IL33: variants seen among roughly 807,000 people sequenced by gnomAD.
The protein encoded by IL33 is interleukin 33, also known as interleukin-33.
A neutral mutation model predicts 27.3 loss-of-function variants in IL33; 37 were observed. That is an observed-to-expected ratio of 1.36 (90% CI 1.04 to 1.78). The LOEUF (loss-of-function observed/expected upper bound fraction) is 1.78, where lower values mean the gene tolerates loss of function less well. Among genes scored for constraint, IL33 ranks in the 40% most tolerant of loss-of-function variants. The probability of loss-of-function intolerance (pLI) is 0.00; values close to 1 mark genes in which losing one functional copy is unlikely to be tolerated. For missense variants in IL33, 406 were observed against 311.4 expected (o/e 1.30, Z -2.29); for synonymous variants, 132 against 102.9 (o/e 1.28, Z -1.71).
chr9:6,215,609 G>A (rs1316550963), upstream of IL33, among the ~76,000 whole-genome samples: 1 of 152,164 alleles, frequency 6.6e-6, no homozygotes, highest in Non-Finnish European at 1.5e-5. Context: ...AATCATAATT[G>A]CTGGTTTAAA....
chr9:6,253,248 G>C (rs1242963508), intron 5 of IL33, among the ~76,000 whole-genome samples: 2 of 152,066 alleles, frequency 1.3e-5, no homozygotes, highest in Admixed American at 1.3e-4. Context: ...TGGAAAGAGG[G>C]GCCACATGTA....
At chr9:6,221,795 T>C (rs1384602287) in intron 1 of IL33, among the ~76,000 whole-genome samples, 1 of 152,224 alleles carries the variant, frequency 6.6e-6, no homozygotes, top group Non-Finnish European at 1.5e-5. Flanking sequence ...TATATTTATT[T>C]CTCTGTGCAT....
In IL33 at chr9:6,257,726, T is replaced by G. The variant is rs1311335932; in HGVS notation, c.*1558T>G. 2.0e-5 allele frequency: 3 copies of G among 152,234 alleles called. No individual in the cohort carries two copies. Among genetic ancestry groups the G allele is most frequent in the African/African-American group, 7.2e-5 (3 of 41,452 alleles). The allele number at this position is 152,234 out of a possible 1,614,324, so 9.4% of individuals were successfully genotyped here. ...GAGACCTATTAGATGTAAGTGCTAG[T>G]AGAATATAAGATAAAAGAGGCTGAG... On this transcript the variant is annotated 3_prime_UTR_variant, in exon 8 of 8. Coordinates refer to ENST00000682010, the MANE Select transcript of IL33 (RefSeq NM_033439.4).
intron 2 of IL33, among the ~76,000 whole-genome samples, chr9:6,243,477 C>A (rs1373299262): frequency 2.0e-5 from 3 of 152,138 alleles, no homozygotes; most frequent in Non-Finnish European, 4.4e-5. Context: ...TCTCAGCCTC[C>A]CAAGTAGCTG....
At chr9:6,242,712 A>C (rs1212593563) in intron 2 of IL33, 2 of 152,244 alleles carry the variant, frequency 1.3e-5, no homozygotes, top group African/African-American at 4.8e-5. Flanking sequence ...AATAATAATA[A>C]AAGCAAGATC....
intron 2 of IL33, among the ~76,000 whole-genome samples, chr9:6,243,999 T>C (rs1033157287): frequency 6.6e-6 from 1 of 152,208 alleles, no homozygotes; most frequent in African/African-American, 2.4e-5. Context: ...GTCAAAATGC[T>C]CTCTGTAGAA....
chr9:6,251,589 A>T (rs1377572534), intron 4 of IL33, among the ~76,000 whole-genome samples: 2 of 152,184 alleles, frequency 1.3e-5, no homozygotes, highest in East Asian at 3.8e-4. Context: ...AAATTTCAAT[A>T]TTTTGACCAT....
chr9:6,241,408 A>G (rs1450750038), intron 1 of IL33, among the ~76,000 whole-genome samples: 1 of 152,234 alleles, frequency 6.6e-6, no homozygotes, highest in Non-Finnish European at 1.5e-5. Flanking sequence ...TATGATGGCT[A>G]CAACAGCACT....
chr9:6,224,664 C>A (rs551794937), intron 1 of IL33, among the ~76,000 whole-genome samples: 1 of 152,292 alleles, frequency 6.6e-6, no homozygotes, highest in African/African-American at 2.4e-5. Context: ...TGCTCTCCTA[C>A]TTTTTGGCAT....
At chr9:6,253,412 C>G in intron 5 of IL33, 140 bp from the exon 6 acceptor site, 1 of 561,734 alleles carries the variant, frequency 1.8e-6, no homozygotes, top group Non-Finnish European at 3.1e-6. Context: ...TTTTTGAGAC[C>G]TTTCTCAAAA....
chr9:6,220,807 G>A (rs1386640057), intron 1 of IL33, among the ~76,000 whole-genome samples: 1 of 152,098 alleles, frequency 6.6e-6, no homozygotes, highest in Non-Finnish European at 1.5e-5. Flanking sequence ...AAGCTGGAGA[G>A]CAGTAGCTCG....
In IL33 at chr9:6,241,003, A is replaced by C. The variant is rs12342812; in HGVS notation, c.-11-681A>C. ...CTTAAAATCTAAGACACAAACACACACACCCTAGTCTAGGCCTACACAGGG... is the reference window on the plus strand; with the variant it reads ...CTTAAAATCTAAGACACAAACACACCCACCCTAGTCTAGGCCTACACAGGG... On this transcript the variant is annotated intron_variant, in intron 1 of 7. Transcript: ENST00000682010. 5.8e-3 allele frequency among the ~76,000 whole-genome samples: 880 copies of C among 152,142 alleles called. 5 individuals are homozygous for C. Among genetic ancestry groups the C allele is most frequent in the African/African-American group, 0.019 (793 of 41,500 alleles).
intron 1 of IL33, among the ~76,000 whole-genome samples, chr9:6,235,097 A>T (rs1819124364): frequency 6.6e-6 from 1 of 152,140 alleles, no homozygotes; most frequent in Non-Finnish European, 1.5e-5. Flanking sequence ...AGACTGGAGT[A>T]TAGTGCTATC....
rs551780260 is a variant in IL33, at chr9:6,255,857, G to T, written c.613-111G>T. The T allele has an allele frequency of 4.9e-5, 41 of 839,246 alleles. No individual in the cohort carries two copies. In the Admixed American group the frequency reaches 7.2e-4, roughly 15 times the overall value. 52.0% of individuals were successfully genotyped at this position (839,246 alleles called of 1,614,324 possible). A position where few individuals can be genotyped will look rare whatever the true frequency, so the allele number is the denominator to read the frequency against. ...CACAACTCACTAAGCAAGCTTGCTAGAAATATCAAGTCATAAATAAGTATT... is the reference window on the plus strand; with the variant it reads ...CACAACTCACTAAGCAAGCTTGCTATAAATATCAAGTCATAAATAAGTATT... On this transcript the variant is annotated intron_variant, in intron 7 of 7. Coordinates refer to ENST00000682010, the MANE Select transcript of IL33 (RefSeq NM_033439.4).
At chr9:6,248,380 C>T (rs1181930855) in intron 2 of IL33, among the ~76,000 whole-genome samples, 2 of 150,830 alleles carry the variant, frequency 1.3e-5, no homozygotes. Context: ...ACTCCACCAT[C>T]ATAAACAGAT....
At chr9:6,232,710 C>T (rs963806375) in intron 1 of IL33, among the ~76,000 whole-genome samples, 3 of 152,164 alleles carry the variant, frequency 2.0e-5, no homozygotes, top group Non-Finnish European at 2.9e-5. Context: ...AATCTCTTTC[C>T]TTTCTGGTCA....
intron 2 of IL33, among the ~76,000 whole-genome samples, chr9:6,244,685 G>C (rs1819723016): frequency 6.6e-6 from 1 of 152,114 alleles, no homozygotes; most frequent in Non-Finnish European, 1.5e-5. Context: ...AACAATCCTG[G>C]TGAAAAATTT....
intron 7 of IL33, among the ~76,000 whole-genome samples, chr9:6,255,308 A>C (rs1316646772): frequency 6.6e-6 from 1 of 152,140 alleles, no homozygotes; most frequent in Non-Finnish European, 1.5e-5. Flanking sequence ...TATTAACATA[A>C]ATAGTGGATA....
chr9:6,222,070 C>A (rs1472798275), intron 1 of IL33, among the ~76,000 whole-genome samples: 1 of 152,116 alleles, frequency 6.6e-6, no homozygotes, highest in Non-Finnish European at 1.5e-5. Context: ...AGCTTCCAGA[C>A]CTTTGAGTTG....
Sources: gnomAD v4.1 joint callset for allele counts (sites outside exome capture counted in the v4.1 genomes callset) on GRCh38, gnomAD v4.1.1 for gene constraint, MANE v1.5 for transcripts, NCBI Gene and HGNC (gene_info 2026-07-23, HGNC 2026-07-21) for gene names.